The following MKI67 variants were observed in gnomAD, a reference collection of about 807,000 sequenced individuals.
The protein encoded by MKI67 is marker of proliferation Ki-67, also known as proliferation marker protein Ki-67.
In MKI67, 152 loss-of-function variants were observed where a neutral mutation model predicts 233.5. That is an observed-to-expected ratio of 0.65 (90% CI 0.57 to 0.74). MKI67 has a LOEUF of 0.74. Among genes scored for constraint, MKI67 ranks in the 30% least tolerant of loss-of-function variants. The pLI, the probability that MKI67 is intolerant of heterozygous loss-of-function variation, is 0.00. For synonymous variants in MKI67, 1,465 were observed against 1,418.5 expected, an observed-to-expected ratio of 1.03 and a Z score of -0.74; for missense variants, 3,940 against 3,885.2, an observed-to-expected ratio of 1.01 and a Z score of -0.37.
At chr10:128,100,019 T>G (rs1282536267) in intron 14 of MKI67, among the ~76,000 whole-genome samples, 16 of 152,234 alleles carry the variant, frequency 1.1e-4, no homozygotes, top group African/African-American at 3.9e-4. Flanking sequence ...CCTTCCAGAC[T>G]GTGAATTCGG....
chr10:128,107,649 T>G lies in MKI67; in HGVS notation c.4191A>C (p.Lys1397Asn), dbSNP rs774860522. The G allele has an allele frequency of 6.2e-7, 1 of 1,614,086 alleles. No individual in the cohort carries two copies. Among genetic ancestry groups the G allele is most frequent in the Admixed American group, 1.7e-5 (1 of 60,010 alleles). Residue 1397 changes from lysine (K) to asparagine (N), a missense_variant, in exon 13 of 15, where the codon AAA becomes AAC. Physicochemically the swap from Lys to Asn is moderately conservative, Grantham distance 94. Transcript: ENST00000368654. ...TRRQPKTPLE[K>N]RDVQKELSAL... ...CTGAGAGCTCCTTCTGTACGTCCCT[T>G]TTCTCCAAAGGTGTCTTGGGCTGCC...
rs1441788625 is a variant in MKI67, at chr10:128,115,190, T to C, written c.1218A>G (p.Glu406=). ...STRNRTPAKV[E]DAADSATKPE... The stretch of plus-strand genomic sequence containing the variant: ...GCTTAGTGGCAGAGTCAGCTGCATC[T>C]TCAACTTTAGCTGGTGTTCGATTTC... The change falls in exon 7 of 15, where the codon GAA becomes GAG. Residue 406 remains glutamate, a synonymous_variant. Coordinates refer to ENST00000368654, the MANE Select transcript of MKI67 (RefSeq NM_002417.5). The C allele has an allele frequency of 1.2e-6, 2 of 1,614,140 alleles. No homozygotes were observed. The highest frequency in any genetic ancestry group is 1.7e-6 in the Non-Finnish European group (2 of 1,180,056).
rs1292652922 is a variant in MKI67, at chr10:128,104,881, T to C, written c.6959A>G (p.Lys2320Arg). The change falls in exon 13 of 15, where the codon AAA becomes AGA. Residue 2320 changes from lysine (K) to arginine (R), a missense_variant. Physicochemically the swap from Lys to Arg is conservative, Grantham distance 26 (BLOSUM62 2). Coordinates refer to ENST00000368654, the MANE Select transcript of MKI67 (RefSeq NM_002417.5). ...AQALEDLAGF[K>R]ELFQTPGTDK... ...AGTGCCTGGTGTCTGGAAGAGCTCT[T>C]TGAAGCCAGCCAGGTCTTCTAGAGC... is the stretch of plus-strand genomic sequence containing the variant. 2 of 1,612,898 alleles carry C rather than the reference T, an allele frequency of 1.2e-6. No homozygotes were observed. The highest frequency in any genetic ancestry group is 2.2e-5 in the East Asian group (1 of 44,770).
At chr10:128,124,831 G>A (rs1481972410) in intron 2 of MKI67, among the ~76,000 whole-genome samples, 1 of 152,194 alleles carries the variant, frequency 6.6e-6, no homozygotes, top group Non-Finnish European at 1.5e-5. Context: ...ACTTCCAAGT[G>A]TGTAAGAAGT....
chr10:128,123,797 G>C (rs1852999772), intron 2 of MKI67, among the ~76,000 whole-genome samples: 1 of 151,854 alleles, frequency 6.6e-6, no homozygotes, highest in Non-Finnish European at 1.5e-5. Flanking sequence ...ATACTAATTT[G>C]CAAGCGACAC....
Position 128,102,608 on chromosome 10 carries a change from T to A in MKI67, c.9232A>T (p.Lys3078Ter), listed in dbSNP as rs1255487980. ...TTTTCAGGGACCGAGTCTTGTAATTTGTGTTCCTCTTTGTTGGTTTTCATG... is the reference window on the plus strand; with the variant it reads ...TTTTCAGGGACCGAGTCTTGTAATTAGTGTTCCTCTTTGTTGGTTTTCATG... ...NDMKTNKEEH[K>*]LQDSVPENKG... The change falls in exon 13 of 15, where the codon AAA (lysine) becomes TAA (stop). Residue 3078 changes from lysine to a stop codon, truncating the protein, a stop_gained. Transcript: ENST00000368654. LOFTEE classifies it high-confidence loss of function. The A allele has an allele frequency of 1.2e-6, 2 of 1,614,006 alleles. No homozygotes were observed. The highest frequency in any genetic ancestry group is 2.2e-5 in the South Asian group (2 of 91,090).
intron 5 of MKI67, among the ~76,000 whole-genome samples, chr10:128,117,707 C>T (rs1403279871): frequency 6.6e-6 from 1 of 152,128 alleles, no homozygotes; most frequent in Admixed American, 6.5e-5. Flanking sequence ...TTTTTTATTT[C>T]CAATCTGAAG....
rs1237806803 is a variant in MKI67, at chr10:128,107,182, G to A, written c.4658C>T (p.Ala1553Val). Residue 1553 changes from alanine to valine, a missense_variant, in exon 13 of 15, where the codon GCA (alanine) becomes GTA (valine). Ala to Val is a moderately conservative substitution (Grantham distance 64). Transcript: ENST00000368654. ...PAVSGEKNIY[A>V]FMGTPVQKLD... ...TTTCTGCACTGGAGTTCCCATAAATGCGTAGATGTTTTTCTCACCACTTAC... is the reference window on the plus strand; with the variant it reads ...TTTCTGCACTGGAGTTCCCATAAATACGTAGATGTTTTTCTCACCACTTAC... 6.2e-7 allele frequency: 1 copy of A among 1,613,936 alleles called. No homozygotes were observed. The highest frequency in any genetic ancestry group is 1.7e-5 in the Admixed American group (1 of 59,984).
Position 128,106,339 on chromosome 10 carries a change from C to T in MKI67, c.5501G>A (p.Gly1834Asp). 1 of 1,613,754 alleles carries T rather than the reference C, an allele frequency of 6.2e-7. No homozygotes were observed. ...TGGTGTCTGGAAAAGCTCTCTGAAG[C>T]CAGTCAGTTCTTCTAGAGCCTGGGC... ...EKAQALEELT[G>D]FRELFQTPCT... Residue 1834 changes from glycine to aspartate, a missense_variant, in exon 13 of 15, where the codon GGC becomes GAC. Transcript: ENST00000368654.
chr10:128,106,069 G>T lies in MKI67; in HGVS notation c.5771C>A (p.Pro1924Gln). The T allele has an allele frequency of 6.2e-7, 1 of 1,614,048 alleles. No homozygotes were observed. The highest frequency in any genetic ancestry group is 1.1e-5 in the South Asian group (1 of 91,076). Residue 1924 changes from proline to glutamine, a missense_variant, in exon 13 of 15, where the codon CCA (proline) becomes CAA (glutamine). Pro to Gln is a moderately conservative substitution (Grantham distance 76). Coordinates refer to ENST00000368654, the MANE Select transcript of MKI67 (RefSeq NM_002417.5). ...TCCTAGCAGGTCCAGTTTCTCCACT[G>T]GAGTCCCCACAAATGTGTTGATGTC... Reference protein sequence around the residue: ...EKDINTFVGTPVEKLDLLGNL... With the variant: ...EKDINTFVGTQVEKLDLLGNL...
intron 4 of MKI67, among the ~76,000 whole-genome samples, chr10:128,122,389 T>C (rs1234635197): frequency 6.6e-6 from 1 of 152,180 alleles, no homozygotes; most frequent in Non-Finnish European, 1.5e-5. Flanking sequence ...ATTGCCTTTT[T>C]AAATGCCCTC....
chr10:128,104,949 A>C lies in MKI67; in HGVS notation c.6891T>G (p.Pro2297=). 1 of 1,613,124 alleles carries C rather than the reference A, an allele frequency of 6.2e-7. No individual in the cohort carries two copies. Among genetic ancestry groups the C allele is most frequent in the Non-Finnish European group, 8.5e-7 (1 of 1,179,888 alleles). Residue 2297 remains proline (P), a synonymous_variant, in exon 13 of 15, where the codon CCT becomes CCG. Transcript: ENST00000368654. Reference sequence around the variant, plus strand: ...GAGTTTGTGGCCATCTTTTGCTGCCAGGTAAATTTCCTGGCAGGTCCAATT... The same window carrying C: ...GAGTTTGTGGCCATCTTTTGCTGCCCGGTAAATTTCCTGGCAGGTCCAATT... The part of the protein sequence containing the change: ...VQKLDLPGNL[P]GSKRWPQTPK...
chr10:128,111,946 C>T lies in MKI67; in HGVS notation c.2069G>A (p.Arg690Lys). 1 of 1,612,042 alleles carries T rather than the reference C, an allele frequency of 6.2e-7. No homozygotes were observed. The highest frequency in any genetic ancestry group is 8.5e-7 in the Non-Finnish European group (1 of 1,179,454). Residue 690 changes from arginine (R) to lysine (K), a missense_variant, in exon 10 of 15, where the codon AGA (arginine) becomes AAA (lysine). Transcript: ENST00000368654. ...CCCTACCTTTGGAGTAGCAGGTCTT[C>T]TTTGCCTTTTGTTCATTGACCTTTG... ...GPQRSMNKRQ[R>K]RPATPKKPVG...
intron 4 of MKI67, 64 bp from the exon 5 acceptor site, chr10:128,119,383 T>C: frequency 8.9e-7 from 1 of 1,120,314 alleles, no homozygotes; most frequent in South Asian, 1.3e-5. Context: ...GAAGTCTCCA[T>C]ATCCACTTAA....
rs868556803 is a variant in MKI67 at position 128,119,321 on chromosome 10, T to C, written c.288-2A>G. The C allele has an allele frequency of 2.5e-6, 4 of 1,594,940 alleles. No homozygotes were observed. The highest frequency in any genetic ancestry group is 1.3e-5 in the African/African-American group (1 of 74,578). ...TTCTGAAGACTTTCATTTTCATACC[T>C]GCAGTTTATAGAACGACAAAGATCC... On this transcript the variant is annotated splice_acceptor_variant, in intron 4 of 14. Transcript: ENST00000368654. LOFTEE classifies it high-confidence loss of function.
intron 4 of MKI67, among the ~76,000 whole-genome samples, chr10:128,120,204 C>T (rs1852903648): frequency 6.6e-6 from 1 of 152,026 alleles, no homozygotes; most frequent in Admixed American, 6.6e-5. Context: ...AGCTTCCTAC[C>T]TATAGGCCGG....
rs1852393393 is a variant in MKI67, at chr10:128,103,477, C to T, written c.8363G>A (p.Arg2788Lys). 1.2e-6 allele frequency: 2 copies of T among 1,613,992 alleles called. No homozygotes were observed. Among genetic ancestry groups the T allele is most frequent in the East Asian group, 4.5e-5 (2 of 44,876 alleles). Residue 2788 changes from arginine (R) to lysine (K), a missense_variant, in exon 13 of 15, where the codon AGA (arginine) becomes AAA (lysine). By Grantham distance (26) the Arg-to-Lys change is conservative. Coordinates refer to ENST00000368654, the MANE Select transcript of MKI67 (RefSeq NM_002417.5). ...ASVTGSRRRP[R>K]APRESAQAIE... ...GGCTTGGGCACTTTCCCTGGGTGCT[C>T]TTGGCCGTCTCCTGCTGCCAGTTAC...
chr10:128,101,226 C>T, intron 14 of MKI67, 32 bp downstream of exon 14: 1 of 1,588,528 alleles, frequency 6.3e-7, no homozygotes, highest in Non-Finnish European at 8.6e-7. Flanking sequence ...CATTCTGTGT[C>T]TTTTAAAACA....
intron 5 of MKI67, among the ~76,000 whole-genome samples, chr10:128,118,700 T>C (rs1056815567): frequency 3.3e-5 from 5 of 152,234 alleles, no homozygotes; most frequent in African/African-American, 9.6e-5. Flanking sequence ...TCGACAATTA[T>C]GTTTTCATAA....
Sources: allele counts gnomAD v4.1 joint callset (sites outside exome capture counted in the v4.1 genomes callset), GRCh38; gene constraint gnomAD v4.1.1; transcripts MANE v1.5; gene names NCBI Gene and HGNC (gene_info 2026-07-23, HGNC 2026-07-21).